Variants in EPHA5 observed in about 807,000 individuals in gnomAD.
The protein encoded by EPHA5 is EPH receptor A5.
EPHA5 carries 60 observed loss-of-function variants against 105.0 expected under a neutral mutation model. That is an observed-to-expected ratio of 0.57 (90% CI 0.46 to 0.71). The LOEUF is 0.71. Ranked by LOEUF, EPHA5 falls within the 30% of genes least tolerant of loss-of-function variation. The pLI is 0.00. For missense variants in EPHA5, 1,218 were observed against 1,274.7 expected (o/e 0.96, Z 0.68); for synonymous variants, 513 against 449.1 (o/e 1.14, Z -1.80).
At chr4:65,414,483 A>G (rs1578060462) in intron 6 of EPHA5, 40 bp from the exon 7 acceptor site, 1 of 1,597,512 alleles carries the variant, frequency 6.3e-7, no homozygotes, top group East Asian at 2.2e-5. Flanking sequence ...AAGACAGCAT[A>G]TAAATTACTA....
chr4:65,641,034 G>T (rs1747618571), intron 2 of EPHA5, among the ~76,000 whole-genome samples: 1 of 152,116 alleles, frequency 6.6e-6, no homozygotes. Context: ...CTGAGAAAAA[G>T]ATACTTCAAG....
chr4:65,539,054 G>A (rs756418018), intron 3 of EPHA5, among the ~76,000 whole-genome samples: 2 of 151,612 alleles, frequency 1.3e-5, no homozygotes, highest in East Asian at 3.9e-4. Context: ...TTGTTACAGA[G>A]AGCAGCCTGC....
chr4:65,509,976 C>T (rs961930861), intron 3 of EPHA5, among the ~76,000 whole-genome samples: 2 of 151,684 alleles, frequency 1.3e-5, no homozygotes, highest in African/African-American at 4.8e-5. Flanking sequence ...AATGTTCTAA[C>T]CATTGTGGAC....
chr4:65,622,479 T>C (rs1056773363), intron 2 of EPHA5, among the ~76,000 whole-genome samples: 1 of 152,276 alleles, frequency 6.6e-6, no homozygotes, highest in South Asian at 2.1e-4. Context: ...ATAAAATGTT[T>C]TGTAATTCCC....
intron 3 of EPHA5, among the ~76,000 whole-genome samples, chr4:65,563,098 T>C (rs1315483298): frequency 2.0e-5 from 3 of 152,054 alleles, no homozygotes; most frequent in East Asian, 1.9e-4. Flanking sequence ...TAGATATAAA[T>C]TCTTTTTTTT....
chr4:65,542,943 A>C (rs915730021), intron 3 of EPHA5, among the ~76,000 whole-genome samples: 1 of 152,074 alleles, frequency 6.6e-6, no homozygotes. Flanking sequence ...AACATAATCC[A>C]TCACATAAGC....
chr4:65,377,963 C>T (rs1456760292), intron 8 of EPHA5, among the ~76,000 whole-genome samples: 1 of 151,822 alleles, frequency 6.6e-6, no homozygotes, highest in Non-Finnish European at 1.5e-5. Flanking sequence ...ACCAGCAGGT[C>T]CAGGCTTTCA....
At chr4:65,524,662 G>C (rs181480338) in intron 3 of EPHA5, among the ~76,000 whole-genome samples, 1 of 151,746 alleles carries the variant, frequency 6.6e-6, no homozygotes, top group African/African-American at 2.4e-5. Context: ...TTAAATATTT[G>C]CAAGTGCATA....
At chr4:65,397,887 C>T (rs1216243875) in intron 8 of EPHA5, among the ~76,000 whole-genome samples, 6 of 152,070 alleles carry the variant, frequency 3.9e-5, no homozygotes, top group African/African-American at 1.4e-4. Context: ...GTTAGATGTA[C>T]CTCTTCAGAG....
intron 8 of EPHA5, among the ~76,000 whole-genome samples, chr4:65,372,297 C>T (rs958058677): frequency 6.6e-6 from 1 of 151,856 alleles, no homozygotes; most frequent in Non-Finnish European, 1.5e-5. Flanking sequence ...AACTTATCCT[C>T]ATAAAATAAA....
chr4:65,426,751 C>T (rs777369503), intron 5 of EPHA5, among the ~76,000 whole-genome samples: 1 of 152,138 alleles, frequency 6.6e-6, no homozygotes, highest in Non-Finnish European at 1.5e-5. Context: ...TTATCTGTAA[C>T]CTCTTGCTCC....
At chr4:65,471,109 C>A (rs897720893) in intron 5 of EPHA5, among the ~76,000 whole-genome samples, 1 of 152,210 alleles carries the variant, frequency 6.6e-6, no homozygotes, top group Non-Finnish European at 1.5e-5. Flanking sequence ...TGGAGTCCCT[C>A]TGAATCTGCT....
At chr4:65,324,569 A>G (rs1719897743) in intron 16 of EPHA5, among the ~76,000 whole-genome samples, 1 of 125,790 alleles carries the variant, frequency 7.9e-6, no homozygotes, top group African/African-American at 2.5e-5. Context: ...CAGATTTACA[A>G]TATTCATAAG....
At chr4:65,646,908 C>A (rs1748158468) in intron 1 of EPHA5, among the ~76,000 whole-genome samples, 1 of 152,144 alleles carries the variant, frequency 6.6e-6, no homozygotes. Context: ...TACAGGTGTT[C>A]TTATATACGC....
intron 2 of EPHA5, among the ~76,000 whole-genome samples, chr4:65,636,763 T>G (rs1747156989): frequency 6.6e-6 from 1 of 152,018 alleles, no homozygotes; most frequent in African/African-American, 2.4e-5. Flanking sequence ...TGCACATCTA[T>G]AAAAAGAAAG....
At chr4:65,357,462 T>C (rs1372070167) in intron 11 of EPHA5, among the ~76,000 whole-genome samples, 6 of 151,548 alleles carry the variant, frequency 4.0e-5, no homozygotes. Context: ...GAATCACAAA[T>C]ATGTCATAAC....
In EPHA5 at chr4:65,474,638, T is replaced by C. The variant is rs1258847348; in HGVS notation, c.1402+15739A>G. Among the ~76,000 whole-genome samples, 4 of 152,160 alleles carry C rather than the reference T, an allele frequency of 2.6e-5. 1 individual carries two copies. Among genetic ancestry groups the C allele is most frequent in the Admixed American group, 2.6e-4 (4 of 15,272 alleles). On this transcript the variant is annotated intron_variant, in intron 5 of 16. Transcript: ENST00000613740. The stretch of plus-strand genomic sequence containing the variant: ...AAACATTTCACATCTTCAAAAAACC[T>C]CCTCAAGCTAGATGCTTGTTCTGAT...
intron 3 of EPHA5, among the ~76,000 whole-genome samples, chr4:65,572,857 C>G (rs1740344709): frequency 6.6e-6 from 1 of 151,162 alleles, no homozygotes; most frequent in Non-Finnish European, 1.5e-5. Context: ...ATAGCGAAAC[C>G]CCGTCTCTAC....
At position 65,437,290 on chromosome 4, in the gene EPHA5, T is replaced by C. The variant is rs534146269; in HGVS notation, c.1403-16725A>G. On this transcript the variant is annotated intron_variant, in intron 5 of 16. Transcript: ENST00000613740. ...TAAGTTTCACAAAGAGACTCTGGCT[T>C]CCTGCCAATCAGAGCCTATTTCTTA... is the stretch of plus-strand genomic sequence containing the variant. Among the ~76,000 whole-genome samples the C allele has an allele frequency of 2.9e-4, 44 of 152,162 alleles. 1 individual carries two copies. In the East Asian group the frequency reaches 6.6e-3, roughly 23 times the overall value.
Sources: gnomAD v4.1 joint callset for allele counts (sites outside exome capture counted in the v4.1 genomes callset) on GRCh38, gnomAD v4.1.1 for gene constraint, MANE v1.5 for transcripts, NCBI Gene and HGNC (gene_info 2026-07-23, HGNC 2026-07-21) for gene names.